The following RANBP2 variants were observed in gnomAD, a reference collection of about 807,000 sequenced individuals.
RANBP2 encodes the protein RAN binding protein 2.
A neutral mutation model predicts 303.6 loss-of-function variants in RANBP2; 57 were observed. The observed-to-expected ratio is 0.19, with a 90% confidence interval of 0.15 to 0.23. RANBP2 has a LOEUF of 0.23. Among genes scored for constraint, RANBP2 ranks in the 10% least tolerant of loss-of-function variants. The pLI is 1.00. For synonymous variants in RANBP2, 1,167 were observed against 1,301.5 expected (o/e 0.90, Z 2.23); for missense variants, 3,138 against 3,780.8 (o/e 0.83, Z 4.46).
chr2:109,093,421 A>AC, the RANBP2 span, among the ~76,000 whole-genome samples: 1 of 151,530 alleles, frequency 6.6e-6, no homozygotes, highest in South Asian at 2.1e-4. Flanking sequence ...AAAAAAAAAA[A>AC]AAAAGAAAGA....
the RANBP2 span, chr2:109,490,460 G>A: frequency 1.5e-6 from 1 of 678,484 alleles, no homozygotes; most frequent in South Asian, 3.7e-5. Context: ...TACTGCTGTT[G>A]CTGTGAGTGG....
the RANBP2 span, among the ~76,000 whole-genome samples, chr2:108,949,344 A>T: frequency 6.6e-6 from 1 of 152,330 alleles, no homozygotes; most frequent in Non-Finnish European, 1.5e-5. Flanking sequence ...GAGAAAAGCA[A>T]TGCATTAATA....
chr2:108,820,700 A>AG, the RANBP2 span, among the ~76,000 whole-genome samples: 3 of 36,946 alleles, frequency 8.1e-5, no homozygotes, highest in African/African-American at 3.9e-4. Flanking sequence ...TTCAAAGTGC[A>AG]AAAAAAAAAA....
chr2:109,443,034 C>A, the RANBP2 span, among the ~76,000 whole-genome samples: 1 of 152,224 alleles, frequency 6.6e-6, no homozygotes, highest in East Asian at 1.9e-4. Flanking sequence ...AAGTTATACA[C>A]ATTCTCATTA....
chr2:108,812,481 C>A, the RANBP2 span: 1 of 599,840 alleles, frequency 1.7e-6, no homozygotes, highest in Non-Finnish European at 3.0e-6. Context: ...ACGACAACTT[C>A]AGTTGTGATC....
the RANBP2 span, among the ~76,000 whole-genome samples, chr2:108,934,867 A>T: frequency 3.3e-5 from 5 of 152,236 alleles, no homozygotes; most frequent in African/African-American, 1.2e-4. Context: ...GAAAACATTC[A>T]AACCAAAGCA....
chr2:108,932,956 G>A, the RANBP2 span, among the ~76,000 whole-genome samples: 3 of 152,116 alleles, frequency 2.0e-5, no homozygotes, highest in Admixed American at 1.3e-4. Context: ...CCTGCCTCCC[G>A]AGTACAACAG....
chr2:109,736,452 G>T, the RANBP2 span, among the ~76,000 whole-genome samples: 1 of 152,154 alleles, frequency 6.6e-6, no homozygotes, highest in African/African-American at 2.4e-5. Context: ...ACAGATTGTT[G>T]CAAAGACTTG....
At chr2:109,261,238 T>C in the RANBP2 span, among the ~76,000 whole-genome samples, 1 of 152,168 alleles carries the variant, frequency 6.6e-6, no homozygotes. Context: ...CCCTGGCTGA[T>C]GGCTCTTCCT....
At chr2:109,250,229 G>A in the RANBP2 span, among the ~76,000 whole-genome samples, 4 of 152,006 alleles carry the variant, frequency 2.6e-5, no homozygotes, top group Admixed American at 6.6e-5. Context: ...TTTAGGGAAA[G>A]GCAACTGAAC....
chr2:109,403,008 G>C, the RANBP2 span, among the ~76,000 whole-genome samples: 1 of 152,214 alleles, frequency 6.6e-6, no homozygotes, highest in Non-Finnish European at 1.5e-5. Context: ...GGGTGGGTGG[G>C]GGGATGTGGA....
chr2:109,701,221 G>GA, the RANBP2 span, among the ~76,000 whole-genome samples: 2 of 152,110 alleles, frequency 1.3e-5, no homozygotes, highest in Non-Finnish European at 2.9e-5. Context: ...AGGCAAGTCG[G>GA]AAAAAAACAC....
chr2:109,391,020 G>A, the RANBP2 span, among the ~76,000 whole-genome samples: 2 of 152,216 alleles, frequency 1.3e-5, no homozygotes, highest in Non-Finnish European at 1.5e-5. Flanking sequence ...GTGGACGGGT[G>A]CCACCTGCCT....
the RANBP2 span, among the ~76,000 whole-genome samples, chr2:108,806,016 AGT>A: frequency 0.65 from 98,813 of 151,780 alleles, 35,159 homozygotes; most frequent in East Asian, 0.92. Context: ...ACTCTCCTAG[AGT>A]TCCTTTGCCA....
At chr2:109,122,690 C>T in the RANBP2 span, among the ~76,000 whole-genome samples, 1 of 152,080 alleles carries the variant, frequency 6.6e-6, no homozygotes, top group Non-Finnish European at 1.5e-5. Flanking sequence ...GTCAACATAG[C>T]GAGACCTAGT....
chr2:109,681,368 T>G, the RANBP2 span, among the ~76,000 whole-genome samples: 1 of 152,212 alleles, frequency 6.6e-6, no homozygotes. Flanking sequence ...AATTCTTATT[T>G]GTACACGTAT....
chr2:109,468,591 C>T, the RANBP2 span, among the ~76,000 whole-genome samples: 7 of 152,046 alleles, frequency 4.6e-5, no homozygotes, highest in African/African-American at 1.7e-4. Context: ...TGGTAGCTCA[C>T]GCCTGTAATC....
the RANBP2 span, among the ~76,000 whole-genome samples, chr2:108,992,402 A>G: frequency 2.0e-5 from 3 of 152,202 alleles, no homozygotes; most frequent in African/African-American, 7.2e-5. Flanking sequence ...GCAAGGGTGC[A>G]CAGGATGCCT....
the RANBP2 span, among the ~76,000 whole-genome samples, chr2:109,144,329 CAG>C: frequency 3.2e-3 from 494 of 152,196 alleles, 2 homozygotes; most frequent in African/African-American, 0.011. Context: ...CTCAATAAAA[CAG>C]GGGAAATATA....
Sources: gnomAD v4.1 joint callset for allele counts (sites outside exome capture counted in the v4.1 genomes callset) on GRCh38, gnomAD v4.1.1 for gene constraint, MANE v1.5 for transcripts, NCBI Gene and HGNC (gene_info 2026-07-23, HGNC 2026-07-21) for gene names.